The following AACS variants were observed in gnomAD, a reference collection of about 807,000 sequenced individuals.
AACS encodes the protein acetoacetate-CoA ligase.
A neutral mutation model predicts 83.1 loss-of-function variants in AACS; 69 were observed. The observed-to-expected ratio is 0.83, with a 90% CI of 0.68 to 1.01. AACS has a LOEUF of 1.01. Ranked by LOEUF, AACS falls within the 50% of genes least tolerant of loss-of-function variation. AACS has a pLI of 0.00. For synonymous variants in AACS, 333 were observed against 343.4 expected (o/e 0.97, Z 0.33); for missense variants, 866 against 882.2 (o/e 0.98, Z 0.23).
intron 5 of AACS, 42 bp downstream of exon 5, chr12:125,091,565 T>G: frequency 6.3e-7 from 1 of 1,589,202 alleles, no homozygotes; most frequent in South Asian, 1.1e-5. Context: ...CCTTGCCCTG[T>G]GAGCATCCTG....
chr12:125,094,978 CGTGTGT>C lies in AACS; in HGVS notation c.570+3496_570+3501del, dbSNP rs57643228. Among the ~76,000 whole-genome samples the C allele has an allele frequency of 0.089, 12,852 of 145,138 alleles. 595 individuals carry two copies. The highest frequency in any genetic ancestry group is 0.12 in the African/African-American group (4,888 of 39,186). On this transcript the variant is annotated intron_variant, in intron 5 of 17. Transcript: ENST00000316519. The surrounding 1 kb of genome is among the most constrained non-coding windows in gnomAD (Gnocchi z 4.1). ...TCCTCCTGAAGTGCCATCAGGTGGCCGTGTGTGTGTGTGTGTGTGTGTGTGTGTGTG... is the reference window on the plus strand; with the variant it reads ...TCCTCCTGAAGTGCCATCAGGTGGCCGTGTGTGTGTGTGTGTGTGTGTGTG...
chr12:125,106,284 G>A (rs867573588), intron 7 of AACS, among the ~76,000 whole-genome samples: 1 of 152,314 alleles, frequency 6.6e-6, no homozygotes, highest in Middle Eastern at 3.4e-3. Flanking sequence ...TTCCCAAGAT[G>A]GCTTGTGGCT....
chr12:125,089,513 A>G (rs1191494842), intron 4 of AACS, among the ~76,000 whole-genome samples: 4 of 152,148 alleles, frequency 2.6e-5, no homozygotes, highest in Non-Finnish European at 4.4e-5. Context: ...CTCTGTGGCC[A>G]TGAGGATTCC....
chr12:125,086,641 G>C (rs1956345922), intron 4 of AACS, among the ~76,000 whole-genome samples, 198 bp downstream of exon 4: 1 of 152,230 alleles, frequency 6.6e-6, no homozygotes, highest in African/African-American at 2.4e-5. Context: ...TGCGAAGGCA[G>C]GAATTTGCTT....
Position 125,124,884 on chromosome 12 carries a change from G to A in AACS, c.1187-18G>A. The A allele has an allele frequency of 6.2e-7, 1 of 1,614,046 alleles. No homozygotes were observed. The highest frequency in any genetic ancestry group is 8.5e-7 in the Non-Finnish European group (1 of 1,180,014). ...GCACTGGGTTTAGTTTTAATCTTTT[G>A]GTGACTCTGCACCCCAGTGGAAACC... On this transcript the variant is annotated intron_variant, in intron 11 of 17. Transcript: ENST00000316519.
intron 8 of AACS, 42 bp downstream of exon 8, chr12:125,107,310 G>C (rs770977454): frequency 6.2e-7 from 1 of 1,601,736 alleles, no homozygotes; most frequent in South Asian, 1.1e-5. Flanking sequence ...CCTGTTGTCT[G>C]TTTGCTTCAA....
chr12:125,096,434 A>G (rs948818124), intron 5 of AACS, among the ~76,000 whole-genome samples: 10 of 152,244 alleles, frequency 6.6e-5, no homozygotes. Flanking sequence ...ACCAGTGTAG[A>G]CATGCCATTT....
At chr12:125,089,985 C>T (rs1262170589) in intron 4 of AACS, among the ~76,000 whole-genome samples, 2 of 151,726 alleles carry the variant, frequency 1.3e-5, no homozygotes, top group Non-Finnish European at 2.9e-5. Flanking sequence ...CATCATCCCT[C>T]ATAGATCATC....
intron 1 of AACS, among the ~76,000 whole-genome samples, chr12:125,070,457 C>T (rs562192001): frequency 9.9e-5 from 15 of 152,154 alleles, no homozygotes; most frequent in Admixed American, 3.9e-4. Context: ...TATGATCATG[C>T]CACTGCACTC....
chr12:125,086,877 G>T (rs1417551421), intron 4 of AACS, among the ~76,000 whole-genome samples: 1 of 152,074 alleles, frequency 6.6e-6, no homozygotes, highest in East Asian at 1.9e-4. Context: ...AGGGAGGAAG[G>T]CGCATTTAGG....
chr12:125,079,713 T>C (rs1216200512), intron 3 of AACS, among the ~76,000 whole-genome samples: 1 of 152,148 alleles, frequency 6.6e-6, no homozygotes, highest in African/African-American at 2.4e-5. Context: ...AATTAGCATA[T>C]AATTCATATA....
At chr12:125,078,162 G>T in intron 3 of AACS, 1 of 456,240 alleles carries the variant, frequency 2.2e-6, no homozygotes, top group South Asian at 1.5e-5. Flanking sequence ...ACAGAGCAGG[G>T]CCTCCCTTCT....
intron 5 of AACS, among the ~76,000 whole-genome samples, chr12:125,093,592 C>G (rs1956538485): frequency 6.6e-6 from 1 of 152,212 alleles, no homozygotes. Flanking sequence ...CGAGCCACCT[C>G]TGGAGTGGGA....
At chr12:125,103,508 CGTGCACAG>C (rs1565939830) in intron 7 of AACS, among the ~76,000 whole-genome samples, 1 of 152,122 alleles carries the variant, frequency 6.6e-6, no homozygotes, top group Non-Finnish European at 1.5e-5. Flanking sequence ...CACGTGCATA[CGTGCACAG>C]GTGCACATGC....
At chr12:125,091,974 G>A (rs570351876) in intron 5 of AACS, among the ~76,000 whole-genome samples, 3 of 152,310 alleles carry the variant, frequency 2.0e-5, no homozygotes, top group African/African-American at 7.2e-5. Flanking sequence ...GACCCGTACT[G>A]TGTGGGTGTG....
At chr12:125,105,271 A>G (rs1056770678) in intron 7 of AACS, 4 of 152,176 alleles carry the variant, frequency 2.6e-5, no homozygotes, top group Non-Finnish European at 5.9e-5. Context: ...CAAAGCGTGC[A>G]CAGTCAGCTC....
chr12:125,122,642 C>CAA (rs35772576), intron 10 of AACS: 6,113 of 84,754 alleles, frequency 0.072, 290 homozygotes, highest in African/African-American at 0.12. Context: ...GACTCCATCT[C>CAA]AAAAAAAAAA....
At chr12:125,077,755 C>T (rs961150597) in intron 3 of AACS, among the ~76,000 whole-genome samples, 1 of 151,796 alleles carries the variant, frequency 6.6e-6, no homozygotes, top group Non-Finnish European at 1.5e-5. Flanking sequence ...CCTCTGTTGC[C>T]AAGGCTGGAA....
In AACS at chr12:125,136,863, C is replaced by A; in HGVS notation, c.1880C>A (p.Pro627Gln). ...CTCATCCTGGAAACCAAGGGCATCCCGGTATGGCCATCTCCCGCCAGCGAG... is the reference window on the plus strand; with the variant it reads ...CTCATCCTGGAAACCAAGGGCATCCAGGTATGGCCATCTCCCGCCAGCGAG... ...PSLILETKGIPYTLNGKKVEV... is the reference protein window; with the variant it reads ...PSLILETKGIQYTLNGKKVEV... Residue 627 changes from proline to glutamine, a missense_variant and splice_region_variant, in exon 17 of 18, where the codon CCG becomes CAG. Physicochemically the swap from Pro to Gln is moderately conservative, Grantham distance 76. Coordinates refer to ENST00000316519, the MANE Select transcript of AACS (RefSeq NM_023928.5). 1.9e-6 allele frequency: 3 copies of A among 1,612,744 alleles called. No individual in the cohort carries two copies. The highest frequency in any genetic ancestry group is 2.5e-6 in the Non-Finnish European group (3 of 1,179,920).
Sources: allele counts gnomAD v4.1 joint callset (sites outside exome capture counted in the v4.1 genomes callset), GRCh38; gene constraint gnomAD v4.1.1; non-coding constraint Gnocchi (gnomAD v3.1); transcripts MANE v1.5; gene names NCBI Gene and HGNC (gene_info 2026-07-23, HGNC 2026-07-21).